The following OR3A2 variants were observed in gnomAD, a reference collection of about 807,000 sequenced individuals.
OR3A2 encodes the protein olfactory receptor 3A2.
For missense variants in OR3A2, 318 were observed against 392.8 expected (o/e 0.81, Z 1.61); for synonymous variants, 126 against 159.3 (o/e 0.79, Z 1.57).
At chr17:3,310,510 G>T in intron 3 of OR3A2, 1 of 535,712 alleles carries the variant, frequency 1.9e-6, no homozygotes, top group Non-Finnish European at 3.8e-6. Flanking sequence ...TTCTTCCTGG[G>T]GAACTTGTCC....
At chr17:3,368,576 T>C (rs2049583954) in intron 2 of OR3A2, among the ~76,000 whole-genome samples, 1 of 152,224 alleles carries the variant, frequency 6.6e-6, no homozygotes, top group South Asian at 2.1e-4. Context: ...GGTTCTCTTT[T>C]ATGTTCCATT....
At chr17:3,281,535 C>T (rs1327532053) in intron 1 of OR3A2, among the ~76,000 whole-genome samples, 1 of 152,104 alleles carries the variant, frequency 6.6e-6, no homozygotes, top group African/African-American at 2.4e-5. Context: ...CGCCCGGCAG[C>T]ATCAGCATTT....
intron 2 of OR3A2, among the ~76,000 whole-genome samples, chr17:3,348,592 T>C (rs1157337141): frequency 2.6e-5 from 4 of 152,130 alleles, no homozygotes; most frequent in Admixed American, 6.6e-5. Context: ...TGGAACCAAG[T>C]TGGAAAACAC....
intron 2 of OR3A2, among the ~76,000 whole-genome samples, chr17:3,382,353 C>A (rs1399515325): frequency 6.6e-6 from 1 of 152,174 alleles, no homozygotes; most frequent in Non-Finnish European, 1.5e-5. Context: ...TTCCCAGAGC[C>A]CTTATAGCTG....
upstream of OR3A2, among the ~76,000 whole-genome samples, chr17:3,285,662 C>T (rs890684955): frequency 1.3e-5 from 2 of 152,062 alleles, no homozygotes; most frequent in African/African-American, 4.8e-5. Flanking sequence ...GTGGTGCGGG[C>T]CTGTAGTCCC....
chr17:3,300,148 T>TA (rs1293628883), intron 3 of OR3A2, among the ~76,000 whole-genome samples: 24 of 151,066 alleles, frequency 1.6e-4, no homozygotes, highest in Middle Eastern at 3.4e-3. Flanking sequence ...TTTTTTTTTT[T>TA]AATCTGCTTC....
chr17:3,300,798 C>CTTCCAGCTTCATCCCT (rs2048957913), intron 3 of OR3A2, among the ~76,000 whole-genome samples: 1 of 151,074 alleles, frequency 6.6e-6, no homozygotes, highest in Non-Finnish European at 1.5e-5. Flanking sequence ...CCCATTAACT[C>CTTCCAGCTTCATCCCT]GTCATTTACA....
intron 2 of OR3A2, among the ~76,000 whole-genome samples, chr17:3,374,554 C>T (rs1481879754): frequency 6.6e-6 from 1 of 152,162 alleles, no homozygotes; most frequent in Non-Finnish European, 1.5e-5. Flanking sequence ...GACATTCTTT[C>T]TTCCACCTGT....
At chr17:3,304,299 A>G (rs1307421545) in intron 3 of OR3A2, among the ~76,000 whole-genome samples, 1 of 151,994 alleles carries the variant, frequency 6.6e-6, no homozygotes, top group African/African-American at 2.4e-5. Flanking sequence ...CACCTGCAGG[A>G]CTCTGGAGCT....
At chr17:3,281,505 A>T (rs2048776662) in intron 1 of OR3A2, among the ~76,000 whole-genome samples, 2 of 152,124 alleles carry the variant, frequency 1.3e-5, no homozygotes, top group South Asian at 4.1e-4. Context: ...AAGTGCTGGG[A>T]TTACAGACGT....
chr17:3,339,704 A>G (rs1303978391), intron 2 of OR3A2, among the ~76,000 whole-genome samples: 1 of 152,142 alleles, frequency 6.6e-6, no homozygotes, highest in Non-Finnish European at 1.5e-5. Flanking sequence ...TTTTGCATCA[A>G]TGTTCATCAG....
chr17:3,293,563 T>C, intron 3 of OR3A2, among the ~76,000 whole-genome samples: 1 of 152,026 alleles, frequency 6.6e-6, no homozygotes, highest in Admixed American at 6.6e-5. Context: ...AAAACAAACC[T>C]GCACATCATA....
chr17:3,313,701 G>T (rs1361589664), intron 3 of OR3A2, among the ~76,000 whole-genome samples: 1 of 152,172 alleles, frequency 6.6e-6, no homozygotes, highest in Non-Finnish European at 1.5e-5. Flanking sequence ...TCCTCTGAAA[G>T]AGTGTAGCCT....
At chr17:3,303,656 G>C (rs547136012) in intron 3 of OR3A2, among the ~76,000 whole-genome samples, 53 of 150,962 alleles carry the variant, frequency 3.5e-4, no homozygotes, top group Non-Finnish European at 6.8e-4. Flanking sequence ...GAGGCAGGAG[G>C]ATCGCTTGAA....
At chr17:3,371,783 G>A (rs1231620387) in intron 2 of OR3A2, among the ~76,000 whole-genome samples, 3 of 136,440 alleles carry the variant, frequency 2.2e-5, no homozygotes, top group Non-Finnish European at 4.8e-5. Context: ...GGGCAGAGGC[G>A]CCCCTCACCT....
At position 3,311,008 on chromosome 17, in the gene OR3A2, C is replaced by T. The variant is rs748584089; in HGVS notation, c.-85+25025G>A. 1.8e-6 allele frequency: 1 copy of T among 549,928 alleles called. No homozygotes were observed. Among genetic ancestry groups the T allele is most frequent in the Non-Finnish European group, 3.7e-6 (1 of 270,996 alleles). The allele number at this position is 549,928 out of a possible 1,614,324, so 34.1% of individuals were successfully genotyped here. A position where few individuals can be genotyped will look rare whatever the true frequency, so the allele number is the denominator to read the frequency against. On this transcript the variant is annotated intron_variant, in intron 3 of 4. Transcript: ENST00000573491. The surrounding 1 kb of genome is among the most constrained non-coding windows in gnomAD (Gnocchi z 4.6). Reference sequence around the variant, plus strand: ...GCAGCTGCAGTCCTGCGAATCCGCTCTGCAGAGGGCAGAAAGAAAGCCTTC... The same window carrying T: ...GCAGCTGCAGTCCTGCGAATCCGCTTTGCAGAGGGCAGAAAGAAAGCCTTC...
At chr17:3,302,988 G>C (rs1287253164) in intron 3 of OR3A2, among the ~76,000 whole-genome samples, 2 of 152,152 alleles carry the variant, frequency 1.3e-5, no homozygotes, top group African/African-American at 4.8e-5. Context: ...AGCAAAATTA[G>C]AGAAATCAAC....
At chr17:3,340,494 C>T (rs1328294319) in intron 2 of OR3A2, among the ~76,000 whole-genome samples, 1 of 152,180 alleles carries the variant, frequency 6.6e-6, no homozygotes, top group Non-Finnish European at 1.5e-5. Flanking sequence ...TTTCAAAGAA[C>T]ATCTTTATTT....
chr17:3,371,120 T>C (rs1465172434), intron 2 of OR3A2, among the ~76,000 whole-genome samples: 1 of 151,918 alleles, frequency 6.6e-6, no homozygotes, highest in Non-Finnish European at 1.5e-5. Context: ...CCGTTCTCAA[T>C]GAGCTGTTGG....
Sources: allele counts gnomAD v4.1 joint callset (sites outside exome capture counted in the v4.1 genomes callset), GRCh38; gene constraint gnomAD v4.1.1; non-coding constraint Gnocchi (gnomAD v3.1); transcripts MANE v1.5; gene names NCBI Gene and HGNC (gene_info 2026-07-23, HGNC 2026-07-21).